Variants in ZIM2 observed in about 807,000 individuals in gnomAD.
The protein encoded by ZIM2 is zinc finger imprinted 2.
ZIM2 carries 14 observed loss-of-function variants against 38.6 expected under a neutral mutation model. The observed-to-expected ratio is 0.36, with a 90% CI of 0.24 to 0.57. The LOEUF (loss-of-function observed/expected upper bound fraction) is 0.57. Among genes scored for constraint, ZIM2 ranks in the 20% least tolerant of loss-of-function variants. The pLI is 0.81. For missense variants in ZIM2, 680 were observed against 695.1 expected (o/e 0.98, Z 0.24); for synonymous variants, 247 against 245.8 (o/e 1.00, Z -0.04).
chr19:56,832,341 GT>G lies in ZIM2; in HGVS notation c.-227+3676del, dbSNP rs534668539. Among the ~76,000 whole-genome samples the G allele has an allele frequency of 1.6e-4, 24 of 152,134 alleles. No individual in the cohort carries two copies. In the East Asian group the frequency reaches 4.6e-3, roughly 29 times the overall value. On this transcript the variant is annotated intron_variant, in intron 2 of 12. Transcript: ENST00000629319. ...GCACTCCCACCGACAGTACCCTGTG[GT>G]CACCATCTGTACCTCCCCTCTCCAG...
chr19:56,787,909 G>A (rs1331560844), intron 10 of ZIM2, among the ~76,000 whole-genome samples: 1 of 151,810 alleles, frequency 6.6e-6, no homozygotes, highest in East Asian at 1.9e-4. Context: ...ATGGTAGTTT[G>A]TATTTCTGTG....
chr19:56,781,188 G>C (rs2046316330), intron 11 of ZIM2, among the ~76,000 whole-genome samples: 1 of 152,162 alleles, frequency 6.6e-6, no homozygotes, highest in Non-Finnish European at 1.5e-5. Context: ...CCTGTGCTAG[G>C]TTTGGGGTAG....
rs762878522 is a variant in ZIM2, at chr19:56,814,738, A to G, written c.490+3008T>C. The stretch of plus-strand genomic sequence containing the variant: ...ATGCTCATTAAGGGCAGAGCTATGA[A>G]TGAAGCCTTGTCCACACAAAAGGCA... On this transcript the variant is annotated intron_variant, in intron 9 of 12. Transcript: ENST00000629319. This position sits in a 1 kb window ranked among gnomAD's most constrained non-coding sequence, Gnocchi z 5.8. 1 of 1,614,144 alleles carries G rather than the reference A, an allele frequency of 6.2e-7. No individual in the cohort carries two copies. Among genetic ancestry groups the G allele is most frequent in the Admixed American group, 1.7e-5 (1 of 60,032 alleles).
At chr19:56,812,052 T>C in intron 9 of ZIM2, 1 of 983,850 alleles carries the variant, frequency 1.0e-6, no homozygotes, top group Non-Finnish European at 1.2e-6. Context: ...TCAGACACAT[T>C]TCCCCCAGTG....
At chr19:56,785,282 T>C (rs2075642257) in intron 10 of ZIM2, among the ~76,000 whole-genome samples, 1 of 152,124 alleles carries the variant, frequency 6.6e-6, no homozygotes, top group Non-Finnish European at 1.5e-5. Flanking sequence ...AGGGCATCTT[T>C]GCTTGGAATC....
intron 12 of ZIM2, among the ~76,000 whole-genome samples, chr19:56,777,501 C>T (rs1181425585): frequency 6.6e-6 from 1 of 152,176 alleles, no homozygotes; most frequent in Non-Finnish European, 1.5e-5. Context: ...GGCTTTTCCT[C>T]TTAAAGCCCG....
chr19:56,791,231 T>G (rs949172278), intron 9 of ZIM2: 2 of 152,192 alleles, frequency 1.3e-5, no homozygotes, highest in African/African-American at 4.8e-5. Flanking sequence ...GACTGCCAAT[T>G]ATTAATATAA....
chr19:56,802,463 C>T (rs1463491064), intron 9 of ZIM2, among the ~76,000 whole-genome samples: 1 of 152,162 alleles, frequency 6.6e-6, no homozygotes, highest in East Asian at 1.9e-4. Flanking sequence ...TGTCAATCCC[C>T]TTGCAGTACT....
chr19:56,774,669 T>C lies in ZIM2; in HGVS notation c.*19A>G, dbSNP rs371105635. On this transcript the variant is annotated 3_prime_UTR_variant, in exon 13 of 13. Transcript: ENST00000629319. ...AGCCAATAATGTTGAGAAAAGTGTGTGCTGTGACTAAAGGTTTCTCAACAG... is the reference window on the plus strand; with the variant it reads ...AGCCAATAATGTTGAGAAAAGTGTGCGCTGTGACTAAAGGTTTCTCAACAG... The C allele has an allele frequency of 1.2e-6, 2 of 1,607,984 alleles. No homozygotes were observed. Among genetic ancestry groups the C allele is most frequent in the African/African-American group, 2.7e-5 (2 of 74,792 alleles).
chr19:56,823,332 G>A (rs1002569451), intron 5 of ZIM2, among the ~76,000 whole-genome samples: 17 of 152,234 alleles, frequency 1.1e-4, no homozygotes, highest in African/African-American at 4.1e-4. Flanking sequence ...ACAGCTGGAA[G>A]CAGCCTGTTG....
rs562275409 is a variant in ZIM2, at chr19:56,822,793, C to T, written c.150G>A (p.Glu50=). 5.6e-6 allele frequency: 9 copies of T among 1,614,136 alleles called. No individual in the cohort carries two copies. The East Asian group carries it at 1.6e-4, about 28-fold the overall frequency. The change falls in exon 6 of 13, where the codon GAG becomes GAA. Residue 50 remains glutamate, a synonymous_variant. Coordinates refer to ENST00000629319, the MANE Select transcript of ZIM2 (RefSeq NM_001387356.1). ...TGGTGTGGGACCAGCGGTCTCGTGG[C>T]TCCATGTCTCTGCTTCTGCCCCTCC... The part of the protein sequence containing the change: ...WDRRGRSRDM[E]PRDRWSHTRN...
At chr19:56,792,211 G>A (rs2046969362) in intron 9 of ZIM2, among the ~76,000 whole-genome samples, 1 of 151,950 alleles carries the variant, frequency 6.6e-6, no homozygotes, top group Non-Finnish European at 1.5e-5. Flanking sequence ...AGCAACATGG[G>A]TGCAGCTGAA....
chr19:56,785,469 T>C (rs2046550835), intron 10 of ZIM2, among the ~76,000 whole-genome samples: 1 of 152,174 alleles, frequency 6.6e-6, no homozygotes, highest in African/African-American at 2.4e-5. Flanking sequence ...GCAGAGTATA[T>C]TAATTTCATT....
At chr19:56,815,987 GAA>G in intron 9 of ZIM2, 2 of 1,584,016 alleles carry the variant, frequency 1.3e-6, no homozygotes, top group Non-Finnish European at 1.7e-6. Flanking sequence ...CCTCCAGCAC[GAA>G]CTCTCTGATG....
chr19:56,781,594 TC>T (rs938606716), intron 11 of ZIM2, among the ~76,000 whole-genome samples: 4 of 152,088 alleles, frequency 2.6e-5, no homozygotes, highest in Admixed American at 1.3e-4. Context: ...TGGGGTTAAA[TC>T]CCAGCTTTCG....
chr19:56,816,128 T>G, intron 9 of ZIM2: 2 of 1,613,526 alleles, frequency 1.2e-6, no homozygotes, highest in Non-Finnish European at 1.7e-6. Flanking sequence ...TCATATGATT[T>G]TGCCTCATAG....
At chr19:56,804,022 C>G (rs1423973455) in intron 9 of ZIM2, among the ~76,000 whole-genome samples, 1 of 152,226 alleles carries the variant, frequency 6.6e-6, no homozygotes, top group African/African-American at 2.4e-5. Context: ...TTTGTGAAAG[C>G]ATGACTGTCC....
rs199575377 is a variant in ZIM2 at position 56,782,035 on chromosome 19, C to G, written c.657G>C (p.Glu219Asp). The change falls in exon 11 of 13, where the codon GAG becomes GAC. Residue 219 changes from glutamate (E) to aspartate (D), a missense_variant. By Grantham distance (45) the Glu-to-Asp change is conservative. Transcript: ENST00000629319. ...GAGCAGCACTAAGGGAACTAAGTTC[C>G]TCTGGGCTGAAGTCCACAAGCACAT... ...FEDVLVDFSP[E>D]ELSSLSAAQR... 1 of 1,614,012 alleles carries G rather than the reference C, an allele frequency of 6.2e-7. No homozygotes were observed. The highest frequency in any genetic ancestry group is 2.2e-5 in the East Asian group (1 of 44,872).
chr19:56,805,649 A>G (rs2146018841), intron 9 of ZIM2, among the ~76,000 whole-genome samples: 1 of 152,326 alleles, frequency 6.6e-6, no homozygotes, highest in Non-Finnish European at 1.5e-5. Context: ...AGGACACAGA[A>G]TCACTTATGT....
Sources: allele counts gnomAD v4.1 joint callset (sites outside exome capture counted in the v4.1 genomes callset), GRCh38; gene constraint gnomAD v4.1.1; non-coding constraint Gnocchi (gnomAD v3.1); transcripts MANE v1.5; gene names NCBI Gene and HGNC (gene_info 2026-07-23, HGNC 2026-07-21).